The following KCNQ1OT1 variants were observed in gnomAD, a reference collection of about 807,000 sequenced individuals.
KCNQ1OT1 encodes the protein KCNQ1 antisense RNA 2 (non-protein coding).
chr11:2,677,558 T>A lies in KCNQ1OT1; in HGVS notation n.22437A>T, dbSNP rs2133876196. On this transcript the variant is annotated non_coding_transcript_exon_variant, in exon 1 of 1. Transcript: ENST00000597346. This position sits in a 1 kb window ranked among gnomAD's most constrained non-coding sequence, Gnocchi z 4.5. ...AAGTATAAAAGATGCCCTCAGATGT[T>A]ACCATATAATGCTTTACAAAAGACA... The A allele has an allele frequency of 7.5e-6, 3 of 398,634 alleles. No individual in the cohort carries two copies. The highest frequency in any genetic ancestry group is 1.3e-3 in the Middle Eastern group (2 of 1,588). 24.7% of individuals were successfully genotyped at this position (398,634 alleles called of 1,614,324 possible). A position where few individuals can be genotyped will look rare whatever the true frequency, so the allele number is the denominator to read the frequency against.
Position 2,690,599 on chromosome 11 carries a change from G to T in KCNQ1OT1, n.9396C>A, listed in dbSNP as rs1850572306. On this transcript the variant is annotated non_coding_transcript_exon_variant, in exon 1 of 1. Transcript: ENST00000597346. This position sits in a 1 kb window ranked among gnomAD's most constrained non-coding sequence, Gnocchi z 5.1. ...AGAACCCACCTCCTGGCAGGGAGTGGGGCACACATATGTGCATGTTCATAT... is the reference window on the plus strand; with the variant it reads ...AGAACCCACCTCCTGGCAGGGAGTGTGGCACACATATGTGCATGTTCATAT... 2 of 398,536 alleles carry T rather than the reference G, an allele frequency of 5.0e-6. No individual in the cohort carries two copies. The highest frequency in any genetic ancestry group is 4.4e-6 in the Non-Finnish European group (1 of 226,108). 24.7% of individuals were successfully genotyped at this position (398,536 alleles called of 1,614,324 possible). A position where few individuals can be genotyped will look rare whatever the true frequency, so the allele number is the denominator to read the frequency against.
In KCNQ1OT1 at chr11:2,647,265, G is replaced by A; in HGVS notation, n.52730C>T. The A allele has an allele frequency of 2.5e-6, 1 of 398,228 alleles. No individual in the cohort carries two copies. The highest frequency in any genetic ancestry group is 4.4e-6 in the Non-Finnish European group (1 of 226,024). The allele number at this position is 398,228 out of a possible 1,614,324, so 24.7% of individuals were successfully genotyped here. A position where few individuals can be genotyped will look rare whatever the true frequency, so the allele number is the denominator to read the frequency against. On this transcript the variant is annotated non_coding_transcript_exon_variant, in exon 1 of 1. Coordinates refer to ENST00000597346, the Ensembl canonical transcript of KCNQ1OT1. This position sits in a 1 kb window ranked among gnomAD's most constrained non-coding sequence, Gnocchi z 4.0. ...TTTTTGTCCTTCCTTCTGTTAATGT[G>A]ATGTATCACATTTATTGATTTGTAT...
exon 1 of KCNQ1OT1, chr11:2,649,505 A>G: frequency 2.5e-6 from 1 of 398,418 alleles, no homozygotes; most frequent in Non-Finnish European, 4.4e-6. Context: ...TGCTTGTCTG[A>G]GGGAGGCAAA....
At position 2,682,784 on chromosome 11, in the gene KCNQ1OT1, G is replaced by T; in HGVS notation, n.17211C>A. On this transcript the variant is annotated non_coding_transcript_exon_variant, in exon 1 of 1. Coordinates refer to ENST00000597346, the Ensembl canonical transcript of KCNQ1OT1. This position sits in a 1 kb window ranked among gnomAD's most constrained non-coding sequence, Gnocchi z 5.8. ...ATTCTAGAAATGCAGGGAAATCTGG[G>T]CACCATGAAATGCAGTGACTTGCAG... The T allele has an allele frequency of 2.5e-6, 1 of 398,642 alleles. No homozygotes were observed. Among genetic ancestry groups the T allele is most frequent in the Non-Finnish European group, 4.4e-6 (1 of 226,090 alleles). 24.7% of individuals were successfully genotyped at this position (398,642 alleles called of 1,614,324 possible). A position where few individuals can be genotyped will look rare whatever the true frequency, so the allele number is the denominator to read the frequency against.
In KCNQ1OT1 at chr11:2,678,192, T is replaced by C. The variant is rs1471628241; in HGVS notation, n.21803A>G. 2.5e-6 allele frequency: 1 copy of C among 398,292 alleles called. No homozygotes were observed. Among genetic ancestry groups the C allele is most frequent in the Non-Finnish European group, 4.4e-6 (1 of 225,970 alleles). The allele number at this position is 398,292 out of a possible 1,614,324, so 24.7% of individuals were successfully genotyped here. ...TATTTTTCTGGTGGCAGAATTTTTTTAATTTCACATAGTCAGCTGTGTCAG... is the reference window on the plus strand; with the variant it reads ...TATTTTTCTGGTGGCAGAATTTTTTCAATTTCACATAGTCAGCTGTGTCAG... On this transcript the variant is annotated non_coding_transcript_exon_variant, in exon 1 of 1. Coordinates refer to ENST00000597346, the Ensembl canonical transcript of KCNQ1OT1. This position sits in a 1 kb window ranked among gnomAD's most constrained non-coding sequence, Gnocchi z 4.9.
chr11:2,647,647 G>T lies in KCNQ1OT1; in HGVS notation n.52348C>A. 2.5e-6 allele frequency: 1 copy of T among 398,484 alleles called. No homozygotes were observed. The highest frequency in any genetic ancestry group is 4.4e-6 in the Non-Finnish European group (1 of 226,016). The allele number at this position is 398,484 out of a possible 1,614,324, so 24.7% of individuals were successfully genotyped here. A position where few individuals can be genotyped will look rare whatever the true frequency, so the allele number is the denominator to read the frequency against. On this transcript the variant is annotated non_coding_transcript_exon_variant, in exon 1 of 1. Coordinates refer to ENST00000597346, the Ensembl canonical transcript of KCNQ1OT1. This position sits in a 1 kb window ranked among gnomAD's most constrained non-coding sequence, Gnocchi z 4.0. ...AATCCTGAGGTTTTCTTTACTGGGA[G>T]ACTTTATTACTGATACAATCTCATT...
At chr11:2,686,125 G>A (rs976444965) in exon 1 of KCNQ1OT1, 11 of 398,680 alleles carry the variant, frequency 2.8e-5, no homozygotes, top group South Asian at 1.3e-4. Context: ...CCTTTGCCCT[G>A]TCTCGCCCCC....
In KCNQ1OT1 at chr11:2,658,280, A is replaced by G. The variant is rs1849887673; in HGVS notation, n.41715T>C. ...CTTCTATTTTCCTCATTCCTTCTAC[A>G]TTTTTTATTTGGAATTCCTTTATAA... On this transcript the variant is annotated non_coding_transcript_exon_variant, in exon 1 of 1. Coordinates refer to ENST00000597346, the Ensembl canonical transcript of KCNQ1OT1. The surrounding 1 kb of genome is among the most constrained non-coding windows in gnomAD (Gnocchi z 4.9). The G allele has an allele frequency of 1.8e-5, 7 of 398,232 alleles. No homozygotes were observed. The Admixed American group carries it at 2.2e-4, about 13-fold the overall frequency. 24.7% of individuals were successfully genotyped at this position (398,232 alleles called of 1,614,324 possible).
chr11:2,649,650 G>A (rs1849727654), exon 1 of KCNQ1OT1: 1 of 398,424 alleles, frequency 2.5e-6, no homozygotes, highest in Admixed American at 4.4e-5. Context: ...TGGCCTAGAA[G>A]GTTTCTGCTG....
At chr11:2,640,816 T>C in exon 1 of KCNQ1OT1, 1 of 398,916 alleles carries the variant, frequency 2.5e-6, no homozygotes, top group Non-Finnish European at 4.4e-6. Context: ...CTAACCAACC[T>C]CTCTTCACCC....
Position 2,659,732 on chromosome 11 carries a change from A to G in KCNQ1OT1, n.40263T>C. ...CCCACCAGTAACATATGAGAGTTCT[A>G]CATGTTCCACATCCTCAAGAGTGGT... On this transcript the variant is annotated non_coding_transcript_exon_variant, in exon 1 of 1. Transcript: ENST00000597346. This position sits in a 1 kb window ranked among gnomAD's most constrained non-coding sequence, Gnocchi z 4.3. 2.5e-6 allele frequency: 1 copy of G among 398,528 alleles called. No individual in the cohort carries two copies. Among genetic ancestry groups the G allele is most frequent in the Non-Finnish European group, 4.4e-6 (1 of 226,014 alleles). 24.7% of individuals were successfully genotyped at this position (398,528 alleles called of 1,614,324 possible). A position where few individuals can be genotyped will look rare whatever the true frequency, so the allele number is the denominator to read the frequency against.
chr11:2,655,041 C>T (rs543981196), exon 1 of KCNQ1OT1: 84 of 398,548 alleles, frequency 2.1e-4, no homozygotes, highest in African/African-American at 1.6e-3. Context: ...ACAAAGTTAA[C>T]ATTTGGATCT....
In KCNQ1OT1 at chr11:2,661,426, A is replaced by G. The variant is rs572493564; in HGVS notation, n.38569T>C. The G allele has an allele frequency of 1.9e-5, 8 of 423,502 alleles. No homozygotes were observed. The Admixed American group carries it at 1.9e-4, about 10-fold the overall frequency. The allele number at this position is 423,502 out of a possible 1,614,324, so 26.2% of individuals were successfully genotyped here. On this transcript the variant is annotated non_coding_transcript_exon_variant, in exon 1 of 1. Coordinates refer to ENST00000597346, the Ensembl canonical transcript of KCNQ1OT1. This position sits in a 1 kb window ranked among gnomAD's most constrained non-coding sequence, Gnocchi z 5.9. ...ACTCCTGTGCCTCATTGGGGGTACA[A>G]CTGGTTGATGTAGCATCGTGTTTTG...
exon 1 of KCNQ1OT1, chr11:2,646,089 G>T: frequency 7.5e-6 from 3 of 398,620 alleles, no homozygotes; most frequent in Non-Finnish European, 1.3e-5. Flanking sequence ...CAGACTGCCT[G>T]ACTCCCCTCT....
rs1167399959 is a variant in KCNQ1OT1, at chr11:2,669,018, T to C, written n.30977A>G. ...GGTCCACTCTTCCCCTACTTGGATATCCAGTCTAGCTCAGCACCCGGCATG... is the reference window on the plus strand; with the variant it reads ...GGTCCACTCTTCCCCTACTTGGATACCCAGTCTAGCTCAGCACCCGGCATG... On this transcript the variant is annotated non_coding_transcript_exon_variant, in exon 1 of 1. Transcript: ENST00000597346. The surrounding 1 kb of genome is among the most constrained non-coding windows in gnomAD (Gnocchi z 5.6). 2.0e-5 allele frequency: 8 copies of C among 398,554 alleles called. No individual in the cohort carries two copies. The highest frequency in any genetic ancestry group is 8.8e-5 in the Admixed American group (2 of 22,720). 24.7% of individuals were successfully genotyped at this position (398,554 alleles called of 1,614,324 possible).
At position 2,621,198 on chromosome 11, in the gene KCNQ1OT1, G is replaced by A. The variant is rs1349210687; in HGVS notation, n.78797C>T. ...TCACCATGTTGGCCAGGATGGTCTC[G>A]AATACCTGACCCCAGATGATCCACG... On this transcript the variant is annotated non_coding_transcript_exon_variant, in exon 1 of 1. Coordinates refer to ENST00000597346, the Ensembl canonical transcript of KCNQ1OT1. This position sits in a 1 kb window ranked among gnomAD's most constrained non-coding sequence, Gnocchi z 5.7. The A allele has an allele frequency of 7.6e-6, 3 of 397,284 alleles. No individual in the cohort carries two copies. Among genetic ancestry groups the A allele is most frequent in the East Asian group, 3.6e-5 (1 of 28,060 alleles). 24.6% of individuals were successfully genotyped at this position (397,284 alleles called of 1,614,324 possible).
Position 2,683,945 on chromosome 11 carries a change from A to G in KCNQ1OT1, n.16050T>C, listed in dbSNP as rs231357. 0.59 allele frequency: 233,805 copies of G among 397,796 alleles called. 73,480 individuals carry two copies. Among genetic ancestry groups the G allele is most frequent in the East Asian group, 1 (27,967 of 28,074 alleles). The allele number at this position is 397,796 out of a possible 1,614,324, so 24.6% of individuals were successfully genotyped here. On this transcript the variant is annotated non_coding_transcript_exon_variant, in exon 1 of 1. Coordinates refer to ENST00000597346, the Ensembl canonical transcript of KCNQ1OT1. This position sits in a 1 kb window ranked among gnomAD's most constrained non-coding sequence, Gnocchi z 4.7. Reference sequence around the variant, plus strand: ...ACACGTTTCATAGTCAGACAAAACCAGCTGACTGCTTTTACTTTTTTTTTT... The same window carrying G: ...ACACGTTTCATAGTCAGACAAAACCGGCTGACTGCTTTTACTTTTTTTTTT...
exon 1 of KCNQ1OT1, chr11:2,675,667 C>G (rs1335793220): frequency 5.0e-6 from 2 of 398,580 alleles, no homozygotes; most frequent in Non-Finnish European, 8.8e-6. Flanking sequence ...CCGCCCAGGG[C>G]CTGCCCTGAC....
exon 1 of KCNQ1OT1, chr11:2,630,364 G>A (rs1849333440): frequency 2.5e-6 from 1 of 398,074 alleles, no homozygotes. Flanking sequence ...ATATCAGCCA[G>A]TTATTTTCTT....
Sources: gnomAD v4.1 joint callset for allele counts on GRCh38, gnomAD v4.1.1 for gene constraint, Gnocchi (gnomAD v3.1) non-coding constraint, MANE v1.5 for transcripts, NCBI Gene and HGNC (gene_info 2026-07-23, HGNC 2026-07-21) for gene names.